GADL1: variants seen among roughly 807,000 people sequenced by gnomAD.
GADL1 encodes acidic amino acid decarboxylase GADL1.
Under a neutral mutation model 69.5 loss-of-function variants are expected in GADL1, and 71 were observed. The ratio of observed to expected loss-of-function variants is 1.02; its 90% confidence interval spans 0.84 to 1.25. The LOEUF (loss-of-function observed/expected upper bound fraction) is 1.25. GADL1 is among the 50% of genes most tolerant of loss of function. The probability of loss-of-function intolerance (pLI) is 0.00; values close to 1 mark genes in which losing one functional copy is unlikely to be tolerated. For synonymous variants in GADL1, 254 were observed against 214.4 expected (o/e 1.18, Z -1.62); for missense variants, 737 against 631.8 (o/e 1.17, Z -1.79).
In GADL1 at chr3:30,786,338, A is replaced by G; in HGVS notation, c.1302+17T>C. On this transcript the variant is annotated intron_variant, in intron 13 of 14. Coordinates refer to ENST00000282538, the MANE Select transcript of GADL1 (RefSeq NM_207359.3). ...GTTAACTGACAAAATCACAAGCACAATTATGCAATCACTTACTTCCATCAG... is the reference window on the plus strand; with the variant it reads ...GTTAACTGACAAAATCACAAGCACAGTTATGCAATCACTTACTTCCATCAG... 6.6e-7 allele frequency: 1 copy of G among 1,510,488 alleles called. No homozygotes were observed. The highest frequency in any genetic ancestry group is 9.2e-7 in the Non-Finnish European group (1 of 1,086,974). The allele number at this position is 1,510,488 out of a possible 1,614,324, so 93.6% of individuals were successfully genotyped here. A position where few individuals can be genotyped will look rare whatever the true frequency, so the allele number is the denominator to read the frequency against.
intron 11 of GADL1, among the ~76,000 whole-genome samples, chr3:30,828,894 T>C (rs771831087): frequency 3.9e-5 from 6 of 152,062 alleles, no homozygotes; most frequent in Admixed American, 6.6e-5. Flanking sequence ...CTTCCACTTC[T>C]ATAGGGATTT....
In GADL1 at chr3:30,894,652, C is replaced by T. The variant is rs534309101; in HGVS notation, c.-38G>A. 22 of 1,545,186 alleles carry T rather than the reference C, an allele frequency of 1.4e-5. No homozygotes were observed. In the African/African-American group the frequency reaches 3.0e-4, roughly 21 times the overall value. On this transcript the variant is annotated 5_prime_UTR_variant, in exon 1 of 15. Coordinates refer to ENST00000282538, the MANE Select transcript of GADL1 (RefSeq NM_207359.3). ...ACTCCAGGCTGCCCCGGGCGCGGCT[C>T]CCGCAGTCTGGGCGGCGACGGTGGT...
At chr3:30,765,561 G>A (rs1014020791) in intron 14 of GADL1, among the ~76,000 whole-genome samples, 1 of 152,218 alleles carries the variant, frequency 6.6e-6, no homozygotes, top group Admixed American at 6.5e-5. Context: ...CTTGCTTCAT[G>A]GGTGTGCAAC....
At chr3:30,878,416 A>G (rs144899281) in intron 1 of GADL1, among the ~76,000 whole-genome samples, 99 of 152,042 alleles carry the variant, frequency 6.5e-4, no homozygotes, top group African/African-American at 2.2e-3. Context: ...TTTTTGGCCC[A>G]TGAGGCCTAC....
intron 11 of GADL1, among the ~76,000 whole-genome samples, chr3:30,810,873 T>C (rs1198814361): frequency 6.6e-6 from 1 of 151,932 alleles, no homozygotes; most frequent in Non-Finnish European, 1.5e-5. Flanking sequence ...AGGAAGTCCC[T>C]CCCCCTCCTG....
At chr3:30,824,702 T>C (rs1697653350) in intron 11 of GADL1, among the ~76,000 whole-genome samples, 2 of 151,870 alleles carry the variant, frequency 1.3e-5, no homozygotes, top group South Asian at 4.1e-4. Context: ...ACATACTATA[T>C]GATTCTATTT....
At chr3:30,892,960 G>C (rs1164789816) in intron 1 of GADL1, among the ~76,000 whole-genome samples, 1 of 152,190 alleles carries the variant, frequency 6.6e-6, no homozygotes, top group African/African-American at 2.4e-5. Flanking sequence ...AGGTTCAAGC[G>C]ATTCTCCTGC....
intron 14 of GADL1, among the ~76,000 whole-genome samples, chr3:30,765,002 G>GA (rs1185981009): frequency 6.6e-6 from 1 of 151,802 alleles, no homozygotes; most frequent in African/African-American, 2.4e-5. Context: ...TGACAATGCA[G>GA]GTTTAGCCAT....
At chr3:30,802,989 G>A (rs1697191797) in intron 11 of GADL1, among the ~76,000 whole-genome samples, 1 of 152,184 alleles carries the variant, frequency 6.6e-6, no homozygotes, top group African/African-American at 2.4e-5. Context: ...TGTGGCGTAT[G>A]CCTGAAGTGG....
intron 13 of GADL1, among the ~76,000 whole-genome samples, chr3:30,784,604 A>G (rs1489684199): frequency 6.6e-6 from 1 of 152,218 alleles, no homozygotes; most frequent in Non-Finnish European, 1.5e-5. Context: ...AGTATTTCCC[A>G]AACTTCCCTG....
Position 30,879,476 on chromosome 3 carries a change from C to T in GADL1, c.37+15102G>A, listed in dbSNP as rs2125544216. Among the ~76,000 whole-genome samples, 3 of 151,954 alleles carry T rather than the reference C, an allele frequency of 2.0e-5. No individual in the cohort carries two copies. In the Middle Eastern group the frequency reaches 0.01, roughly 517 times the overall value. ...CCCTCTCTATCCTACTTTAGTGAGC[C>T]ATCACTTTGGCTTTGATAAGTCTGC... is the stretch of plus-strand genomic sequence containing the variant. On this transcript the variant is annotated intron_variant, in intron 1 of 14. Transcript: ENST00000282538.
rs144495375 is a variant in GADL1 at position 30,866,339 on chromosome 3, G to A, written c.38-4574C>T. 5.8e-4 allele frequency among the ~76,000 whole-genome samples: 88 copies of A among 152,030 alleles called. No homozygotes were observed. In the South Asian group the frequency reaches 0.011, roughly 19 times the overall value. On this transcript the variant is annotated intron_variant, in intron 1 of 14. Transcript: ENST00000282538. The stretch of plus-strand genomic sequence containing the variant: ...CCAGGCATAGTGGCACACACCTGTA[G>A]TCCCAGCTACTTGGGAGGCTAAGGC...
intron 13 of GADL1, 131 bp from the exon 14 acceptor site, chr3:30,778,399 T>G (rs778783190): frequency 1.6e-6 from 1 of 626,904 alleles, no homozygotes; most frequent in African/African-American, 1.9e-5. Flanking sequence ...CAGAATCTTA[T>G]AGAGTAACAA....
At position 30,842,821 on chromosome 3, in the gene GADL1, T is replaced by TAAAAAAA. The variant is rs1559358436; in HGVS notation, c.786+1388_786+1389insTTTTTTT. ...TAAAGTTCACTTGTCATTGGAATGT[T>TAAAAAAA]TAAAAAAAAAAAAAAAAAAAAAGTA... On this transcript the variant is annotated intron_variant, in intron 8 of 14. Transcript: ENST00000282538. Among the ~76,000 whole-genome samples, 97 of 66,436 alleles carry TAAAAAAA rather than the reference T, an allele frequency of 1.5e-3. 1 individual carries two copies. The highest frequency in any genetic ancestry group is 3.2e-3 in the African/African-American group (46 of 14,196). 43.6% of individuals were successfully genotyped at this position (66,436 alleles called of 152,430 possible).
At chr3:30,894,507 CA>C in intron 1 of GADL1, 70 bp downstream of exon 1, 1 of 1,294,694 alleles carries the variant, frequency 7.7e-7, no homozygotes, top group Non-Finnish European at 1.1e-6. Flanking sequence ...GTCCCCAGGT[CA>C]AAAATAAGGA....
rs1200882873 is a variant in GADL1 at position 30,800,964 on chromosome 3, T to A, written c.1175A>T (p.Lys392Met). The A allele has an allele frequency of 6.2e-7, 1 of 1,613,886 alleles. No individual in the cohort carries two copies. The change falls in exon 12 of 15, where the codon AAG (lysine) becomes ATG (methionine). Residue 392 changes from lysine to methionine, a missense_variant. By Grantham distance (95) the Lys-to-Met change is moderately conservative. Transcript: ENST00000282538. Reference protein sequence around the residue: ...IQCSRRPDAFKFWMTWKALGT... With the variant: ...IQCSRRPDAFMFWMTWKALGT... ...CAGGGCCTTCCAGGTCATCCAGAAC[T>A]TGAATGCATCTGGTCTTCTGCTACA...
rs1697891581 is a variant in GADL1 at position 30,837,388 on chromosome 3, TTAATC to T, written c.903+1604_903+1608del. ...TAAGCCAGATAGGCTTGTGTCAAAT[TTAATC>T]TAATACTATAGGCATTTGCCAGATG... is the stretch of plus-strand genomic sequence containing the variant. On this transcript the variant is annotated intron_variant, in intron 9 of 14. Coordinates refer to ENST00000282538, the MANE Select transcript of GADL1 (RefSeq NM_207359.3). Among the ~76,000 whole-genome samples, 4 of 152,242 alleles carry T rather than the reference TTAATC, an allele frequency of 2.6e-5. No individual in the cohort carries two copies. The Middle Eastern group carries it at 0.014, about 518-fold the overall frequency.
intron 14 of GADL1, among the ~76,000 whole-genome samples, chr3:30,773,721 T>G (rs952130862): frequency 6.6e-6 from 1 of 152,208 alleles, no homozygotes; most frequent in Non-Finnish European, 1.5e-5. Context: ...CTGAAATATT[T>G]GCTATTTTAA....
At chr3:30,813,635 C>CT (rs1250300607) in intron 11 of GADL1, among the ~76,000 whole-genome samples, 2 of 152,242 alleles carry the variant, frequency 1.3e-5, no homozygotes, top group African/African-American at 4.8e-5. Flanking sequence ...CTTGAGAGGT[C>CT]TGGCCTCTGA....
Sources: allele counts gnomAD v4.1 joint callset (sites outside exome capture counted in the v4.1 genomes callset), GRCh38; gene constraint gnomAD v4.1.1; transcripts MANE v1.5; gene names NCBI Gene and HGNC (gene_info 2026-07-23, HGNC 2026-07-21).